Variants in KYAT3 observed in about 807,000 individuals in gnomAD.
The protein encoded by KYAT3 is kynurenine aminotransferase 3.
A neutral mutation model predicts 59.0 loss-of-function variants in KYAT3; 50 were observed. The ratio of observed to expected loss-of-function variants is 0.85; its 90% confidence interval spans 0.68 to 1.07. The LOEUF is 1.07. Among genes scored for constraint, KYAT3 ranks in the 50% least tolerant of loss-of-function variants. The pLI is 0.00. For missense variants in KYAT3, 497 were observed against 533.3 expected, an observed-to-expected ratio of 0.93 and a Z score of 0.67; for synonymous variants, 148 against 177.0, an observed-to-expected ratio of 0.84 and a Z score of 1.30.
chr1:88,989,119 A>C (rs1677637225), intron 1 of KYAT3, among the ~76,000 whole-genome samples: 1 of 152,210 alleles, frequency 6.6e-6, no homozygotes, highest in Non-Finnish European at 1.5e-5. Flanking sequence ...TTACTCTGAG[A>C]ATGTTGTTCT....
chr1:88,977,192 T>A (rs569828925), intron 2 of KYAT3, among the ~76,000 whole-genome samples: 2 of 151,564 alleles, frequency 1.3e-5, no homozygotes. Context: ...ATTTTGTATT[T>A]AAAAAAAAAT....
intron 11 of KYAT3, 143 bp from the exon 12 acceptor site, chr1:88,943,566 G>C (rs1029551429): frequency 1.6e-6 from 1 of 616,848 alleles, no homozygotes; most frequent in African/African-American, 1.9e-5. Context: ...CACAGAATAT[G>C]CTGGAGTCTC....
At chr1:88,961,319 T>A (rs754939276) in intron 7 of KYAT3, 32 bp from the exon 8 acceptor site, 4 of 1,613,452 alleles carry the variant, frequency 2.5e-6, no homozygotes, top group Non-Finnish European at 3.4e-6. Context: ...GCACAGCCAA[T>A]TATTCAACAT....
chr1:88,983,877 C>A (rs1435812550), intron 2 of KYAT3: 13 of 1,610,624 alleles, frequency 8.1e-6, no homozygotes, highest in Non-Finnish European at 1.1e-5. Flanking sequence ...CAAGCTCCAA[C>A]AAGCTCGCCG....
intron 10 of KYAT3, 65 bp from the exon 11 acceptor site, chr1:88,949,342 T>A: frequency 8.5e-7 from 1 of 1,181,256 alleles, no homozygotes; most frequent in Non-Finnish European, 1.2e-6. Flanking sequence ...CTTAGTTTAT[T>A]GGTATAATAA....
chr1:88,983,808 G>T (rs1557707112), intron 2 of KYAT3: 5 of 1,613,778 alleles, frequency 3.1e-6, no homozygotes, highest in Non-Finnish European at 4.2e-6. Context: ...AGCTTTCCTG[G>T]GCGATCTGCT....
intron 10 of KYAT3, among the ~76,000 whole-genome samples, chr1:88,952,513 C>T (rs1675719043): frequency 6.6e-6 from 1 of 152,058 alleles, no homozygotes; most frequent in African/African-American, 2.4e-5. Flanking sequence ...GTGTGTTGCA[C>T]CTCCCCACTT....
intron 4 of KYAT3, among the ~76,000 whole-genome samples, chr1:88,965,660 C>T (rs1336239373): frequency 6.6e-6 from 1 of 152,126 alleles, no homozygotes; most frequent in Non-Finnish European, 1.5e-5. Context: ...CCCCTTCCTT[C>T]CTTTTTTTTC....
At chr1:88,958,660 A>G (rs1427281519) in intron 8 of KYAT3, among the ~76,000 whole-genome samples, 1 of 152,246 alleles carries the variant, frequency 6.6e-6, no homozygotes, top group Non-Finnish European at 1.5e-5. Context: ...AATGCATATT[A>G]ATGGCAAAAT....
chr1:88,965,006 C>G (rs757126024), intron 4 of KYAT3, 28 bp from the exon 5 acceptor site: 1 of 1,570,712 alleles, frequency 6.4e-7, no homozygotes, highest in Non-Finnish European at 8.6e-7. Flanking sequence ...AGAACAAAAC[C>G]TTGAATTTAA....
intron 2 of KYAT3, among the ~76,000 whole-genome samples, chr1:88,978,401 C>T (rs1370155168): frequency 6.6e-5 from 10 of 151,972 alleles, no homozygotes; most frequent in African/African-American, 2.2e-4. Flanking sequence ...GGCAGTGCCA[C>T]CATCATGGCT....
intron 13 of KYAT3, among the ~76,000 whole-genome samples, chr1:88,941,556 C>T (rs1404970570): frequency 2.0e-5 from 3 of 147,452 alleles, no homozygotes; most frequent in Admixed American, 2.0e-4. Context: ...TGTCAGTGCT[C>T]AGATGATGTT....
At chr1:88,964,096 A>AC (rs1676248946) in intron 5 of KYAT3, among the ~76,000 whole-genome samples, 1 of 152,116 alleles carries the variant, frequency 6.6e-6, no homozygotes, top group East Asian at 1.9e-4. Flanking sequence ...TCAGCTACTC[A>AC]GTAGGCTGAG....
At chr1:88,973,038 C>G (rs1294253077) in intron 2 of KYAT3, among the ~76,000 whole-genome samples, 2 of 152,120 alleles carry the variant, frequency 1.3e-5, no homozygotes, top group African/African-American at 4.8e-5. Context: ...AGCGTGAACC[C>G]TAATCCAATA....
chr1:88,929,015 T>A, the KYAT3 span, among the ~76,000 whole-genome samples: 19 of 152,046 alleles, frequency 1.2e-4, no homozygotes, highest in Non-Finnish European at 1.8e-4. Flanking sequence ...TGTTGTCCCC[T>A]GCTTGAGGAA....
intron 13 of KYAT3, among the ~76,000 whole-genome samples, chr1:88,937,727 C>T (rs1263417223): frequency 6.6e-6 from 1 of 152,092 alleles, no homozygotes; most frequent in Non-Finnish European, 1.5e-5. Context: ...AATCATGTGC[C>T]ACCTGATACA....
intron 2 of KYAT3, chr1:88,982,928 G>A: frequency 1.2e-6 from 2 of 1,613,970 alleles, no homozygotes; most frequent in Non-Finnish European, 1.7e-6. Flanking sequence ...AGATGGCGGG[G>A]GCCCTCGTGT....
downstream of KYAT3, among the ~76,000 whole-genome samples, chr1:88,932,207 A>G (rs1012288243): frequency 6.6e-6 from 1 of 152,194 alleles, no homozygotes; most frequent in African/African-American, 2.4e-5. Context: ...CTATGACAAC[A>G]GTGTTGATGA....
chr1:88,987,735 T>C (rs1476760303), intron 2 of KYAT3, among the ~76,000 whole-genome samples: 1 of 152,240 alleles, frequency 6.6e-6, no homozygotes, highest in Non-Finnish European at 1.5e-5. Context: ...CTAAAAAATA[T>C]TGCTACTTAT....
Sources: allele counts gnomAD v4.1 joint callset (sites outside exome capture counted in the v4.1 genomes callset), GRCh38; gene constraint gnomAD v4.1.1; transcripts MANE v1.5; gene names NCBI Gene and HGNC (gene_info 2026-07-23, HGNC 2026-07-21).